PCDHA7: variants seen among roughly 807,000 people sequenced by gnomAD.
PCDHA7 encodes the protein protocadherin alpha-7.
In PCDHA7, 37 loss-of-function variants were observed where a neutral mutation model predicts 57.2. That is an observed-to-expected ratio of 0.65 (90% confidence interval 0.50 to 0.85). PCDHA7 has a LOEUF of 0.85. Among genes scored for constraint, PCDHA7 ranks in the 40% least tolerant of loss-of-function variants. PCDHA7 has a pLI of 0.00. For missense variants in PCDHA7, 1,188 were observed against 1,241.8 expected, an observed-to-expected ratio of 0.96 and a Z score of 0.65; for synonymous variants, 553 against 558.8, an observed-to-expected ratio of 0.99 and a Z score of 0.15.
chr5:140,859,194 A>G (rs1412348145), intron 1 of PCDHA7: 1 of 149,838 alleles, frequency 6.7e-6, no homozygotes, highest in African/African-American at 2.4e-5. Context: ...ATTGCTTATG[A>G]TATTCAGGTA....
intron 1 of PCDHA7, among the ~76,000 whole-genome samples, chr5:140,846,531 T>C (rs1780536785): frequency 6.7e-6 from 1 of 148,410 alleles, no homozygotes; most frequent in African/African-American, 2.5e-5. Flanking sequence ...CATGCCACCA[T>C]GCCCTGCTAA....
intron 1 of PCDHA7, chr5:140,851,195 TAGTC>T (rs1233299239): frequency 1.2e-5 from 14 of 1,207,754 alleles, no homozygotes; most frequent in Non-Finnish European, 1.5e-5. Context: ...ATTTAGTTGT[TAGTC>T]ATTCATTAAA....
At chr5:140,889,101 T>TCC in intron 1 of PCDHA7, among the ~76,000 whole-genome samples, 1 of 152,074 alleles carries the variant, frequency 6.6e-6, no homozygotes, top group East Asian at 1.9e-4. Context: ...AATTTTTTCA[T>TCC]CTTTATTCCA....
rs2150250387 is a variant in PCDHA7 at position 140,836,006 on chromosome 5, C to T, written c.1623C>T (p.Gly541=). 26 of 1,613,312 alleles carry T rather than the reference C, an allele frequency of 1.6e-5. 1 individual carries two copies. Among genetic ancestry groups the T allele is most frequent in the Non-Finnish European group, 2.2e-5 (26 of 1,179,716 alleles). Residue 541 remains glycine, a synonymous_variant, in exon 1 of 4, where the codon GGC becomes GGT. Transcript: ENST00000525929. ...TCCAGGTGAGCGCGCGCGATGCGGG[C>T]GTGCCGCCTCTGGGCAGCAACGTGA... ...LQFQVSARDA[G]VPPLGSNVTL...
intron 1 of PCDHA7, chr5:140,856,710 T>A: frequency 6.3e-7 from 1 of 1,596,610 alleles, no homozygotes; most frequent in Non-Finnish European, 8.6e-7. Context: ...AAACCTGAAT[T>A]TACCGGATCT....
chr5:140,931,683 A>G (rs1482331530), intron 1 of PCDHA7, among the ~76,000 whole-genome samples: 2 of 151,950 alleles, frequency 1.3e-5, no homozygotes, highest in African/African-American at 4.8e-5. Flanking sequence ...AAATAAATGA[A>G]TTGTGATTCA....
chr5:140,869,445 G>T, intron 1 of PCDHA7: 2 of 1,614,232 alleles, frequency 1.2e-6, no homozygotes, highest in Non-Finnish European at 1.7e-6. Flanking sequence ...ACAGGCCGCT[G>T]CAGGTTTTCC....
intron 1 of PCDHA7, among the ~76,000 whole-genome samples, chr5:140,933,506 G>A (rs2089196836): frequency 6.6e-6 from 1 of 151,944 alleles, no homozygotes; most frequent in Non-Finnish European, 1.5e-5. Flanking sequence ...GTTAAGCAAA[G>A]ACTACAGCTG....
At chr5:140,842,984 G>C in intron 1 of PCDHA7, 2 of 1,595,034 alleles carry the variant, frequency 1.3e-6, no homozygotes. Flanking sequence ...GCAGGTGTTC[G>C]TGCTGGACGA....
Position 140,835,598 on chromosome 5 carries a change from T to C in PCDHA7, c.1215T>C (p.Tyr405=), listed in dbSNP as rs2150239108. The part of the protein sequence containing the change: ...FKLVSTFKNY[Y]SLVLDSALDR... The stretch of plus-strand genomic sequence containing the variant: ...TGGTGTCCACCTTCAAGAATTACTA[T>C]TCATTGGTGCTGGACAGCGCTCTGG... Residue 405 remains tyrosine, a synonymous_variant, in exon 1 of 4, where the codon TAT becomes TAC. Transcript: ENST00000525929. The C allele has an allele frequency of 2.1e-5, 34 of 1,613,804 alleles. No homozygotes were observed. Among genetic ancestry groups the C allele is most frequent in the African/African-American group, 4.0e-5 (3 of 74,924 alleles).
chr5:140,892,261 G>A (rs1221882386), intron 1 of PCDHA7, among the ~76,000 whole-genome samples: 1 of 152,020 alleles, frequency 6.6e-6, no homozygotes, highest in Admixed American at 6.6e-5. Context: ...CTTTGATTTT[G>A]TGCTGAAAGT....
chr5:141,010,096 A>G lies in PCDHA7; in HGVS notation c.*159A>G. The G allele has an allele frequency of 6.2e-7, 1 of 1,612,840 alleles. No individual in the cohort carries two copies. Among genetic ancestry groups the G allele is most frequent in the Non-Finnish European group, 8.5e-7 (1 of 1,179,378 alleles). ...CCTGTGTCTGTCTAGAACGCATTTA[A>G]CAGGTTTTGTCGTAAAAGCTTTACT... On this transcript the variant is annotated 3_prime_UTR_variant, in exon 4 of 4. Transcript: ENST00000525929.
intron 1 of PCDHA7, among the ~76,000 whole-genome samples, chr5:140,891,891 A>G (rs1278331991): frequency 5.9e-5 from 9 of 152,214 alleles, no homozygotes; most frequent in Admixed American, 5.9e-4. Flanking sequence ...GTGACGATGC[A>G]GCAAGAAGAT....
At chr5:140,944,566 A>G (rs782290531) in intron 1 of PCDHA7, among the ~76,000 whole-genome samples, 37 of 152,182 alleles carry the variant, frequency 2.4e-4, no homozygotes, top group African/African-American at 7.5e-4. Context: ...CTGGCAACTT[A>G]CTGTAGAGAT....
At chr5:140,842,504 T>C (rs1554139112) in intron 1 of PCDHA7, 9 of 1,613,696 alleles carry the variant, frequency 5.6e-6, no homozygotes, top group Non-Finnish European at 7.6e-6. Context: ...CCATGTCCCC[T>C]TCAAGCTGGT....
At chr5:140,878,725 A>G (rs1230048195) in intron 1 of PCDHA7, among the ~76,000 whole-genome samples, 1 of 152,252 alleles carries the variant, frequency 6.6e-6, no homozygotes, top group African/African-American at 2.4e-5. Flanking sequence ...TAAAATTTCC[A>G]GCCTTATATC....
In PCDHA7 at chr5:140,849,851, A is replaced by G. The variant is rs148732691; in HGVS notation, c.2355+13113A>G. 6 of 1,598,254 alleles carry G rather than the reference A, an allele frequency of 3.8e-6. 1 individual carries two copies. The highest frequency in any genetic ancestry group is 2.2e-5 in the East Asian group (1 of 44,844). On this transcript the variant is annotated intron_variant, in intron 1 of 3. Coordinates refer to ENST00000525929, the MANE Select transcript of PCDHA7 (RefSeq NM_018910.3). ...AGGTGGCCGACGTGAACGACAACGC[A>G]CCAGCGTTCGCGCAGTCCGAGTACA...
chr5:140,927,176 TGACCTAC>T (rs1285493810), intron 1 of PCDHA7: 5 of 1,614,156 alleles, frequency 3.1e-6, no homozygotes, highest in Non-Finnish European at 4.2e-6. Flanking sequence ...GCCTGCGTCT[TGACCTAC>T]GACCTGGTGC....
At chr5:140,894,808 A>G (rs541905033) in intron 1 of PCDHA7, among the ~76,000 whole-genome samples, 2 of 152,096 alleles carry the variant, frequency 1.3e-5, no homozygotes, top group African/African-American at 4.8e-5. Flanking sequence ...AAATAATTTT[A>G]TATCAGATTT....
Sources: allele counts gnomAD v4.1 joint callset (sites outside exome capture counted in the v4.1 genomes callset), GRCh38; gene constraint gnomAD v4.1.1; transcripts MANE v1.5; gene names NCBI Gene and HGNC (gene_info 2026-07-23, HGNC 2026-07-21).